The following GPC1 variants were observed in gnomAD, a reference collection of about 807,000 sequenced individuals.
GPC1 encodes glypican 1.
Under a neutral mutation model 51.5 loss-of-function variants are expected in GPC1, and 26 were observed. That is an observed-to-expected ratio of 0.50 (90% confidence interval 0.37 to 0.70). GPC1 has a LOEUF of 0.70. GPC1 is among the 30% of genes least tolerant of loss of function. The pLI is 0.00. For missense variants in GPC1, 775 were observed against 800.5 expected, an observed-to-expected ratio of 0.97 and a Z score of 0.38; for synonymous variants, 380 against 348.3, an observed-to-expected ratio of 1.09 and a Z score of -1.01.
chr2:240,456,998 T>G (rs2074171277), intron 1 of GPC1, among the ~76,000 whole-genome samples: 1 of 152,124 alleles, frequency 6.6e-6, no homozygotes, highest in Non-Finnish European at 1.5e-5. Flanking sequence ...CAGACTCTGT[T>G]GGACCCCCAA....
Position 240,436,095 on chromosome 2 carries a change from G to A in GPC1, c.166+11G>A. 3 of 1,277,338 alleles carry A rather than the reference G, an allele frequency of 2.3e-6. No individual in the cohort carries two copies. The highest frequency in any genetic ancestry group is 6.1e-4 in the Middle Eastern group (2 of 3,282). The allele number at this position is 1,277,338 out of a possible 1,614,324, so 79.1% of individuals were successfully genotyped here. A position where few individuals can be genotyped will look rare whatever the true frequency, so the allele number is the denominator to read the frequency against. On this transcript the variant is annotated intron_variant, in intron 1 of 8. Coordinates refer to ENST00000264039, the MANE Select transcript of GPC1 (RefSeq NM_002081.3). The stretch of plus-strand genomic sequence containing the variant: ...AGGCGGAGATCTCGGGTGAGTGAGG[G>A]CGCGGCGCCGGGAACCCGGGCCTGG...
chr2:240,453,536 C>A (rs1357227754), intron 1 of GPC1, among the ~76,000 whole-genome samples: 1 of 132,026 alleles, frequency 7.6e-6, no homozygotes. Context: ...CGCAGCCCTT[C>A]GAGCCCCCTC....
rs540232027 is a variant in GPC1, at chr2:240,461,879, G to A, written c.326-312G>A. ...GCCCCTCCCTGGGTGTTCTCAGGGG[G>A]TCACTGAGTCACAGAGCATCTGTTC... On this transcript the variant is annotated intron_variant, in intron 2 of 8. Coordinates refer to ENST00000264039, the MANE Select transcript of GPC1 (RefSeq NM_002081.3). Among the ~76,000 whole-genome samples the A allele has an allele frequency of 2.2e-4, 34 of 152,142 alleles. No homozygotes were observed. The East Asian group carries it at 5.2e-3, about 23-fold the overall frequency.
intron 8 of GPC1, among the ~76,000 whole-genome samples, 162 bp from the exon 9 acceptor site, chr2:240,465,896 A>C (rs1371788204): frequency 6.6e-6 from 1 of 152,200 alleles, no homozygotes; most frequent in East Asian, 1.9e-4. Context: ...CCAGGGAGTG[A>C]GAGTCTCCCA....
At chr2:240,447,928 C>T (rs746656888) in intron 1 of GPC1, among the ~76,000 whole-genome samples, 1 of 152,134 alleles carries the variant, frequency 6.6e-6, no homozygotes, top group Non-Finnish European at 1.5e-5. Context: ...CTGGTTGTCA[C>T]CCTGAGCGCT....
At chr2:240,444,550 G>A (rs10933604) in intron 1 of GPC1, among the ~76,000 whole-genome samples, 84,774 of 152,052 alleles carry the variant, frequency 0.56, 24,388 homozygotes, top group Non-Finnish European at 0.63. Context: ...AGCAGCGACC[G>A]GATCCCTAGC....
rs984030646 is a variant in GPC1 at position 240,467,899 on chromosome 2, G to GTGGC, written c.*1610_*1613dup. 2.6e-5 allele frequency: 4 copies of GTGGC among 152,288 alleles called. No homozygotes were observed. The highest frequency in any genetic ancestry group is 9.7e-5 in the African/African-American group (4 of 41,446). 9.4% of individuals were successfully genotyped at this position (152,288 alleles called of 1,614,324 possible). ...CCCGCTGCACACAGACGGCCTAGGG[G>GTGGC]TGGCGCTCAGACCCCACCCTACGCT... On this transcript the variant is annotated 3_prime_UTR_variant, in exon 9 of 9. Transcript: ENST00000264039.
chr2:240,450,397 G>C (rs2074086842), intron 1 of GPC1: 1 of 352,834 alleles, frequency 2.8e-6, no homozygotes, highest in Non-Finnish European at 5.7e-6. Context: ...GGCGGGGGAT[G>C]CTAAGGCTGT....
chr2:240,446,979 G>A (rs1051692689), intron 1 of GPC1, among the ~76,000 whole-genome samples: 2 of 152,158 alleles, frequency 1.3e-5, no homozygotes, highest in African/African-American at 2.4e-5. Flanking sequence ...TCCATGGGGG[G>A]ATAAGGGGTG....
At position 240,448,389 on chromosome 2, in the gene GPC1, C is replaced by A. The variant is rs1260986967; in HGVS notation, c.167-10641C>A. On this transcript the variant is annotated intron_variant, in intron 1 of 8. Transcript: ENST00000264039. This position sits in a 1 kb window ranked among gnomAD's most constrained non-coding sequence, Gnocchi z 4.5. ...GCAGTCCGGGTGTAGATAGTCCCTG[C>A]CAGGCAGTCCAGGTGTAGACAGTCC... 6.6e-6 allele frequency among the ~76,000 whole-genome samples: 1 copy of A among 150,988 alleles called. No individual in the cohort carries two copies. Among genetic ancestry groups the A allele is most frequent in the Non-Finnish European group, 1.5e-5 (1 of 67,526 alleles).
rs901170981 is a variant in GPC1 at position 240,444,777 on chromosome 2, C to T, written c.166+8693C>T. 6.6e-5 allele frequency among the ~76,000 whole-genome samples: 10 copies of T among 152,314 alleles called. No homozygotes were observed. In the East Asian group the frequency reaches 9.6e-4, roughly 15 times the overall value. ...GACCCCGCAGCCCACCCGTGTCTGG[C>T]GCATCCTTGGTGACTGGGGCTCCCT... On this transcript the variant is annotated intron_variant, in intron 1 of 8. Coordinates refer to ENST00000264039, the MANE Select transcript of GPC1 (RefSeq NM_002081.3).
intron 1 of GPC1, among the ~76,000 whole-genome samples, chr2:240,445,823 C>T (rs929400002): frequency 1.3e-4 from 20 of 152,202 alleles, no homozygotes; most frequent in Non-Finnish European, 2.2e-4. Context: ...TAGCAGACAG[C>T]TTGGAAAACG....
intron 1 of GPC1, among the ~76,000 whole-genome samples, chr2:240,446,280 TC>T (rs1574759202): frequency 6.6e-6 from 1 of 152,218 alleles, no homozygotes; most frequent in East Asian, 1.9e-4. Flanking sequence ...ACATCCCAGG[TC>T]CTCTGCATCA....
intron 1 of GPC1, chr2:240,451,002 C>T: frequency 2.4e-6 from 1 of 409,732 alleles, no homozygotes; most frequent in Non-Finnish European, 5.2e-6. Flanking sequence ...GGTGGAGTGA[C>T]TGGGTGGTGG....
At chr2:240,462,090 G>A (rs972034021) in intron 2 of GPC1, 101 bp from the exon 3 acceptor site, 13 of 1,181,308 alleles carry the variant, frequency 1.1e-5, no homozygotes, top group African/African-American at 3.1e-5. Context: ...TCCTCAGAGT[G>A]TATCCTCAGA....
chr2:240,465,095 C>T lies in GPC1; in HGVS notation c.1153C>T (p.Gln385Ter). 6.2e-7 allele frequency: 1 copy of T among 1,608,960 alleles called. No individual in the cohort carries two copies. Among genetic ancestry groups the T allele is most frequent in the Non-Finnish European group, 8.5e-7 (1 of 1,178,438 alleles). Residue 385 changes from glutamine to a stop codon, truncating the protein, a stop_gained, in exon 7 of 9, where the codon CAG becomes TAG. Transcript: ENST00000264039. LOFTEE classifies it high-confidence loss of function. Reference sequence around the variant, plus strand: ...CCCACAGGTCTCCGAAGCCAAGGCCCAGCTCCGCGACGTCCAGGACTTCTG... The same window carrying T: ...CCCACAGGTCTCCGAAGCCAAGGCCTAGCTCCGCGACGTCCAGGACTTCTG... ...LEKLVSEAKA[Q>*]LRDVQDFWIS... is the part of the protein sequence containing the mutation.
chr2:240,464,699 G>C lies in GPC1; in HGVS notation c.967G>C (p.Glu323Gln). 6.2e-7 allele frequency: 1 copy of C among 1,612,502 alleles called. No individual in the cohort carries two copies. The highest frequency in any genetic ancestry group is 1.1e-5 in the South Asian group (1 of 90,968). Residue 323 changes from glutamate (E) to glutamine (Q), a missense_variant, in exon 5 of 9, where the codon GAG becomes CAG. Physicochemically the swap from Glu to Gln is conservative, Grantham distance 29. Coordinates refer to ENST00000264039, the MANE Select transcript of GPC1 (RefSeq NM_002081.3). Reference protein sequence around the residue: ...VIGSVHTWLAEAINALQDNRD... With the variant: ...VIGSVHTWLAQAINALQDNRD... ...CGGCAGCGTGCACACGTGGCTGGCG[G>C]AGGCCATCAACGCCCTCCAGGACAA...
At chr2:240,445,254 G>C (rs1340880115) in intron 1 of GPC1, among the ~76,000 whole-genome samples, 2 of 152,190 alleles carry the variant, frequency 1.3e-5, no homozygotes, top group Non-Finnish European at 2.9e-5. Flanking sequence ...TTTGGGGTGA[G>C]GGGTGGCTGC....
chr2:240,450,008 TG>T (rs1320221755), intron 1 of GPC1: 5 of 443,854 alleles, frequency 1.1e-5, no homozygotes, highest in Non-Finnish European at 2.3e-5. Context: ...GCTGTGAGCA[TG>T]GGTGTATGAG....
Sources: gnomAD v4.1 joint callset for allele counts (sites outside exome capture counted in the v4.1 genomes callset) on GRCh38, gnomAD v4.1.1 for gene constraint, Gnocchi (gnomAD v3.1) non-coding constraint, MANE v1.5 for transcripts, NCBI Gene and HGNC (gene_info 2026-07-23, HGNC 2026-07-21) for gene names.